The following ADAMTSL3 variants were observed in gnomAD, a reference collection of about 807,000 sequenced individuals.
The protein encoded by ADAMTSL3 is ADAMTS-like protein 3.
In ADAMTSL3, 128 loss-of-function variants were observed where a neutral mutation model predicts 201.7. The observed-to-expected ratio is 0.63, with a 90% CI of 0.55 to 0.73. The LOEUF is 0.73. Among genes scored for constraint, ADAMTSL3 ranks in the 30% least tolerant of loss-of-function variants. ADAMTSL3 has a pLI of 0.00. For synonymous variants in ADAMTSL3, 738 were observed against 748.4 expected (o/e 0.99, Z 0.23); for missense variants, 1,990 against 2,119.6 (o/e 0.94, Z 1.20).
Position 83,970,563 on chromosome 15 carries a change from C to G in ADAMTSL3, c.2570C>G (p.Pro857Arg), listed in dbSNP as rs199694682. The change falls in exon 20 of 30, where the codon CCC becomes CGC. Residue 857 changes from proline (P) to arginine (R), a missense_variant. Pro to Arg is a moderately radical substitution (Grantham distance 103). Coordinates refer to ENST00000286744, the MANE Select transcript of ADAMTSL3 (RefSeq NM_207517.3). ...CTGGCAGCCAAAGGTCGGCGCATCC[C>G]CCTCAGTGAGATGATGTGCAGGGAT... ...QRLAAKGRRIPLSEMMCRDLP... is the reference protein window; with the variant it reads ...QRLAAKGRRIRLSEMMCRDLP... The G allele has an allele frequency of 1.1e-5, 18 of 1,614,190 alleles. No homozygotes were observed. Among genetic ancestry groups the G allele is most frequent in the Non-Finnish European group, 1.5e-5 (18 of 1,180,048 alleles).
chr15:83,999,719 G>A (rs1430363774), intron 23 of ADAMTSL3, among the ~76,000 whole-genome samples: 6 of 152,138 alleles, frequency 3.9e-5, no homozygotes, highest in African/African-American at 7.2e-5. Context: ...GATATCTATG[G>A]GAGGATGGTC....
intron 6 of ADAMTSL3, among the ~76,000 whole-genome samples, chr15:83,820,798 G>A (rs1047874496): frequency 2.0e-5 from 3 of 152,114 alleles, no homozygotes; most frequent in Admixed American, 2.0e-4. Flanking sequence ...ACTTTAGGCC[G>A]GGTATGGAGG....
At chr15:83,680,676 T>G (rs2061466350) in intron 2 of ADAMTSL3, among the ~76,000 whole-genome samples, 1 of 152,002 alleles carries the variant, frequency 6.6e-6, no homozygotes, top group African/African-American at 2.4e-5. Context: ...TTCCTTTTTA[T>G]CCCTAATTCT....
chr15:83,825,193 A>G (rs902224451), intron 6 of ADAMTSL3, among the ~76,000 whole-genome samples: 1 of 152,190 alleles, frequency 6.6e-6, no homozygotes, highest in Non-Finnish European at 1.5e-5. Context: ...TATTGCCATC[A>G]GTTAAGGTTT....
chr15:83,922,830 AACC>A (rs2066171426), intron 16 of ADAMTSL3, among the ~76,000 whole-genome samples: 1 of 152,230 alleles, frequency 6.6e-6, no homozygotes, highest in South Asian at 2.1e-4. Flanking sequence ...TTGAAAAAAG[AACC>A]ACAACCTAGT....
At chr15:83,671,597 G>A (rs1194555302) in intron 2 of ADAMTSL3, among the ~76,000 whole-genome samples, 1 of 152,092 alleles carries the variant, frequency 6.6e-6, no homozygotes, top group East Asian at 1.9e-4. Flanking sequence ...AAGGATATTT[G>A]ATAGTTGGAC....
At chr15:83,751,960 A>G (rs1596140650) in intron 3 of ADAMTSL3, among the ~76,000 whole-genome samples, 1 of 152,382 alleles carries the variant, frequency 6.6e-6, no homozygotes, top group East Asian at 1.9e-4. Flanking sequence ...AAGATTCTGC[A>G]TCATAACAAC....
intron 8 of ADAMTSL3, 117 bp from the exon 9 acceptor site, chr15:83,870,681 CTGAG>C: frequency 1.3e-6 from 1 of 779,010 alleles, no homozygotes; most frequent in Non-Finnish European, 1.9e-6. Context: ...TGTTTGTAAA[CTGAG>C]TGGCTATTTT....
intron 3 of ADAMTSL3, among the ~76,000 whole-genome samples, chr15:83,748,603 T>C (rs1211883603): frequency 7.2e-6 from 1 of 138,482 alleles, no homozygotes; most frequent in Non-Finnish European, 1.5e-5. Context: ...TGAACTGAGA[T>C]TGTGCCAATG....
In ADAMTSL3 at chr15:83,892,956, C is replaced by A. The variant is rs986735822; in HGVS notation, c.1467+68C>A. 2.1e-6 allele frequency: 3 copies of A among 1,461,562 alleles called. No homozygotes were observed. The Admixed American group carries it at 5.5e-5, about 27-fold the overall frequency. 90.5% of individuals were successfully genotyped at this position (1,461,562 alleles called of 1,614,324 possible). ...TTAAGGGATATTTTCTATATGCCCA[C>A]CATGGTGCTAGACAGCATGGAGACA... On this transcript the variant is annotated intron_variant, in intron 13 of 29. Transcript: ENST00000286744.
chr15:83,766,656 C>T (rs769041902), intron 3 of ADAMTSL3, among the ~76,000 whole-genome samples: 15 of 152,156 alleles, frequency 9.9e-5, no homozygotes, highest in Non-Finnish European at 1.8e-4. Context: ...GTGGGGAAAA[C>T]ACACAGATGT....
chr15:83,688,755 T>TACACACACACAC (rs34509050), intron 2 of ADAMTSL3, among the ~76,000 whole-genome samples: 2 of 148,976 alleles, frequency 1.3e-5, no homozygotes, highest in Admixed American at 6.7e-5. Flanking sequence ...TGCATATATA[T>TACACACACACAC]ACACACACAC....
intron 21 of ADAMTSL3, among the ~76,000 whole-genome samples, chr15:83,983,773 C>T (rs1362139931): frequency 2.0e-5 from 3 of 152,122 alleles, no homozygotes; most frequent in African/African-American, 7.2e-5. Flanking sequence ...CACATCAGCC[C>T]CATGAGATTG....
chr15:84,001,484 CTTTG>C (rs2067791006), intron 23 of ADAMTSL3, among the ~76,000 whole-genome samples: 1 of 152,178 alleles, frequency 6.6e-6, no homozygotes, highest in East Asian at 1.9e-4. Context: ...AGTTACTTGT[CTTTG>C]TTTATGTACC....
At chr15:83,921,432 A>T (rs781713621) in intron 16 of ADAMTSL3, among the ~76,000 whole-genome samples, 50 of 152,312 alleles carry the variant, frequency 3.3e-4, no homozygotes, top group Non-Finnish European at 5.7e-4. Flanking sequence ...ACAACTTGGC[A>T]TATTAAATAC....
intron 16 of ADAMTSL3, among the ~76,000 whole-genome samples, chr15:83,916,184 G>T (rs1187875826): frequency 1.3e-5 from 2 of 152,150 alleles, no homozygotes; most frequent in African/African-American, 4.8e-5. Context: ...TGATGTTAAG[G>T]TGCCCATTTG....
intron 2 of ADAMTSL3, among the ~76,000 whole-genome samples, chr15:83,674,943 G>A (rs111887315): frequency 5.9e-4 from 90 of 151,268 alleles, no homozygotes; most frequent in African/African-American, 2.0e-3. Flanking sequence ...ATAATGTTTT[G>A]TAAAATTCTG....
chr15:83,837,006 T>TA (rs2064284411), intron 6 of ADAMTSL3, among the ~76,000 whole-genome samples: 1 of 151,906 alleles, frequency 6.6e-6, no homozygotes, highest in Non-Finnish European at 1.5e-5. Context: ...GCTTAAGAAA[T>TA]AAAAAAGAAA....
intron 2 of ADAMTSL3, 90 bp downstream of exon 2, chr15:83,655,920 A>T: frequency 7.7e-7 from 1 of 1,303,702 alleles, no homozygotes. Context: ...ATGTGGCATG[A>T]TTAGTGTTAA....
Sources: allele counts gnomAD v4.1 joint callset (sites outside exome capture counted in the v4.1 genomes callset), GRCh38; gene constraint gnomAD v4.1.1; transcripts MANE v1.5; gene names NCBI Gene and HGNC (gene_info 2026-07-23, HGNC 2026-07-21).